Variants in PLEKHA2 observed in about 807,000 individuals in gnomAD.
PLEKHA2 encodes pleckstrin homology domain containing A2.
Under a neutral mutation model 53.2 loss-of-function variants are expected in PLEKHA2, and 28 were observed. The observed-to-expected ratio is 0.53, with a 90% confidence interval of 0.39 to 0.72. The LOEUF (loss-of-function observed/expected upper bound fraction) is 0.72, where lower values mean the gene tolerates loss of function less well. PLEKHA2 is among the 30% of genes least tolerant of loss of function. The probability of loss-of-function intolerance (pLI) is 0.00; values close to 1 mark genes in which losing one functional copy is unlikely to be tolerated. For missense variants in PLEKHA2, 426 were observed against 537.9 expected (o/e 0.79, Z 2.06); for synonymous variants, 193 against 196.4 (o/e 0.98, Z 0.14).
chr8:38,952,906 A>G (rs1019817117), intron 8 of PLEKHA2, among the ~76,000 whole-genome samples: 9 of 152,206 alleles, frequency 5.9e-5, no homozygotes, highest in African/African-American at 2.2e-4. Flanking sequence ...GTGTGGTCAG[A>G]GTCATAGCTA....
At chr8:38,968,310 G>A (rs1835178702) in intron 10 of PLEKHA2, among the ~76,000 whole-genome samples, 1 of 152,138 alleles carries the variant, frequency 6.6e-6, no homozygotes, top group Non-Finnish European at 1.5e-5. Context: ...AGGGGGTGAT[G>A]GACTTCAGCA....
chr8:38,954,798 C>T lies in PLEKHA2; in HGVS notation c.773+1431C>T, dbSNP rs548253911. Reference sequence around the variant, plus strand: ...ATCCAATCCCAGCACTTTGGGAGGCCGAGGCGGGCGGATCACCTGAGGCCA... The same window carrying T: ...ATCCAATCCCAGCACTTTGGGAGGCTGAGGCGGGCGGATCACCTGAGGCCA... On this transcript the variant is annotated intron_variant, in intron 9 of 11. Transcript: ENST00000617275. Among the ~76,000 whole-genome samples, 12 of 152,176 alleles carry T rather than the reference C, an allele frequency of 7.9e-5. No homozygotes were observed. The South Asian group carries it at 1.2e-3, about 16-fold the overall frequency.
intron 3 of PLEKHA2, among the ~76,000 whole-genome samples, 193 bp downstream of exon 3, chr8:38,936,243 G>A (rs565651452): frequency 5.3e-5 from 8 of 152,300 alleles, no homozygotes; most frequent in African/African-American, 1.4e-4. Context: ...GTGGTTCCAA[G>A]TTGTTGGAGG....
At position 38,972,136 on chromosome 8, in the gene PLEKHA2, A is replaced by G. The variant is rs1835262097; in HGVS notation, c.*2353A>G. On this transcript the variant is annotated 3_prime_UTR_variant, in exon 12 of 12. Coordinates refer to ENST00000617275, the MANE Select transcript of PLEKHA2 (RefSeq NM_021623.2). ...CTGTCAAATGGAAATCTTCTTGTCA[A>G]TTGGCAAACACTTGGGAATTCCACA... 2.0e-5 allele frequency: 3 copies of G among 152,212 alleles called. 1 individual carries two copies. The highest frequency in any genetic ancestry group is 4.4e-5 in the Non-Finnish European group (3 of 68,042). 9.4% of individuals were successfully genotyped at this position (152,212 alleles called of 1,614,324 possible).
At chr8:38,931,456 T>A (rs1396806262) in intron 2 of PLEKHA2, among the ~76,000 whole-genome samples, 1 of 152,140 alleles carries the variant, frequency 6.6e-6, no homozygotes, top group Non-Finnish European at 1.5e-5. Context: ...TTCCACCTCC[T>A]TTTCATTGGG....
Position 38,917,178 on chromosome 8 carries a change from C to T in PLEKHA2, c.-23-729C>T, listed in dbSNP as rs112621658. Among the ~76,000 whole-genome samples, 248 of 152,084 alleles carry T rather than the reference C, an allele frequency of 1.6e-3. 1 individual carries two copies. The highest frequency in any genetic ancestry group is 3.4e-3 in the Middle Eastern group (1 of 294). ...CTCTTTATATATTCTGGTTATTAGT[C>T]CCTTGTCAGATGGGTAATTTGCCGA... On this transcript the variant is annotated intron_variant, in intron 1 of 11. Coordinates refer to ENST00000617275, the MANE Select transcript of PLEKHA2 (RefSeq NM_021623.2).
At chr8:38,945,501 C>T (rs752475427) in intron 4 of PLEKHA2, among the ~76,000 whole-genome samples, 27 of 152,170 alleles carry the variant, frequency 1.8e-4, no homozygotes, top group Admixed American at 1.3e-4. Context: ...CTATTTCTTG[C>T]AAATTTCATA....
intron 5 of PLEKHA2, among the ~76,000 whole-genome samples, chr8:38,950,258 T>G (rs1244344877): frequency 1.3e-5 from 2 of 152,146 alleles, no homozygotes; most frequent in Non-Finnish European, 2.9e-5. Flanking sequence ...GGTCTTGAAC[T>G]CCTGGGCTCA....
intron 1 of PLEKHA2, among the ~76,000 whole-genome samples, chr8:38,913,388 A>G (rs1274089878): frequency 7.1e-6 from 1 of 140,972 alleles, no homozygotes; most frequent in African/African-American, 2.6e-5. Flanking sequence ...AAAAAAAAAG[A>G]AAAAGGAAAG....
At chr8:38,904,866 C>A (rs1833845985) in intron 1 of PLEKHA2, among the ~76,000 whole-genome samples, 1 of 152,216 alleles carries the variant, frequency 6.6e-6, no homozygotes, top group South Asian at 2.1e-4. Flanking sequence ...TTGTTAGGCA[C>A]CCACACATGC....
chr8:38,952,154 G>C lies in PLEKHA2; in HGVS notation c.487-12G>C, dbSNP rs372773208. 1 of 1,610,764 alleles carries C rather than the reference G, an allele frequency of 6.2e-7. No individual in the cohort carries two copies. The highest frequency in any genetic ancestry group is 8.5e-7 in the Non-Finnish European group (1 of 1,178,574). On this transcript the variant is annotated splice_polypyrimidine_tract_variant and intron_variant, in intron 6 of 11. Coordinates refer to ENST00000617275, the MANE Select transcript of PLEKHA2 (RefSeq NM_021623.2). ...GGAGGGAGGCGCTGATACTGACACTGTTTCCTTGCAGAACGGTGGGGATGG... is the reference window on the plus strand; with the variant it reads ...GGAGGGAGGCGCTGATACTGACACTCTTTCCTTGCAGAACGGTGGGGATGG...
chr8:38,965,376 T>C (rs1296458324), intron 10 of PLEKHA2, among the ~76,000 whole-genome samples: 2 of 152,152 alleles, frequency 1.3e-5, no homozygotes, highest in Admixed American at 1.3e-4. Flanking sequence ...TTCAGTAGAC[T>C]GCTGGAAGGA....
intron 2 of PLEKHA2, among the ~76,000 whole-genome samples, chr8:38,931,345 C>T (rs191720401): frequency 1.6e-4 from 25 of 152,302 alleles, no homozygotes; most frequent in African/African-American, 5.5e-4. Context: ...AACTTCATTC[C>T]CACCACCCAC....
At chr8:38,903,937 A>T (rs1833832121) in intron 1 of PLEKHA2, among the ~76,000 whole-genome samples, 1 of 152,028 alleles carries the variant, frequency 6.6e-6, no homozygotes, top group Admixed American at 6.6e-5. Context: ...TCCGTTTTCC[A>T]TCTGTCTCAG....
At chr8:38,904,558 G>A (rs994311326) in intron 1 of PLEKHA2, among the ~76,000 whole-genome samples, 3 of 152,212 alleles carry the variant, frequency 2.0e-5, no homozygotes, top group Non-Finnish European at 4.4e-5. Flanking sequence ...GGAAACTGAC[G>A]AGCATGTCTA....
chr8:38,929,845 C>T (rs1232074292), intron 2 of PLEKHA2, among the ~76,000 whole-genome samples: 4 of 152,100 alleles, frequency 2.6e-5, no homozygotes, highest in South Asian at 2.1e-4. Context: ...ATGCACAGGA[C>T]CTTTGAGTGC....
chr8:38,920,972 T>G (rs1319962015), intron 2 of PLEKHA2, among the ~76,000 whole-genome samples: 1 of 152,092 alleles, frequency 6.6e-6, no homozygotes, highest in African/African-American at 2.4e-5. Context: ...AGCTAATTTT[T>G]GTATTTTTAG....
intron 2 of PLEKHA2, among the ~76,000 whole-genome samples, chr8:38,921,918 A>G (rs991842111): frequency 6.6e-5 from 10 of 152,228 alleles, no homozygotes; most frequent in African/African-American, 2.2e-4. Flanking sequence ...TTAAGTGTGG[A>G]TGTTTCAGTT....
chr8:38,941,276 G>A (rs1444123232), intron 3 of PLEKHA2, among the ~76,000 whole-genome samples: 2 of 152,078 alleles, frequency 1.3e-5, no homozygotes, highest in South Asian at 2.1e-4. Flanking sequence ...GGCTGGTCTC[G>A]AACTCCTTAC....
Sources: gnomAD v4.1 joint callset for allele counts (sites outside exome capture counted in the v4.1 genomes callset) on GRCh38, gnomAD v4.1.1 for gene constraint, MANE v1.5 for transcripts, NCBI Gene and HGNC (gene_info 2026-07-23, HGNC 2026-07-21) for gene names.